TAFA1: variants seen among roughly 807,000 people sequenced by gnomAD.
TAFA1 encodes the protein TAFA chemokine like family member 1.
A neutral mutation model predicts 18.5 loss-of-function variants in TAFA1; 4 were observed. The ratio of observed to expected loss-of-function variants is 0.22; its 90% CI spans 0.11 to 0.49. The LOEUF (loss-of-function observed/expected upper bound fraction) is 0.49. Ranked by LOEUF, TAFA1 falls within the 20% of genes least tolerant of loss-of-function variation. TAFA1 has a pLI of 0.98. For synonymous variants in TAFA1, 56 were observed against 55.2 expected (o/e 1.01, Z -0.06); for missense variants, 147 against 169.0 (o/e 0.87, Z 0.72).
intron 2 of TAFA1, among the ~76,000 whole-genome samples, chr3:68,224,394 T>C (rs917934950): frequency 5.9e-5 from 9 of 152,128 alleles, no homozygotes; most frequent in African/African-American, 2.2e-4. Flanking sequence ...GAGGAAAACA[T>C]AGTCAATTAA....
At chr3:68,050,429 G>A (rs1269205512) in intron 2 of TAFA1, among the ~76,000 whole-genome samples, 1 of 152,140 alleles carries the variant, frequency 6.6e-6, no homozygotes, top group Non-Finnish European at 1.5e-5. Flanking sequence ...AGAAGTGAAT[G>A]CTGAGGGGAT....
chr3:68,197,595 G>A (rs575153149), intron 2 of TAFA1, among the ~76,000 whole-genome samples: 1 of 151,458 alleles, frequency 6.6e-6, no homozygotes, highest in South Asian at 2.1e-4. Flanking sequence ...TTGCTGGCTG[G>A]TGGTTGTATT....
intron 3 of TAFA1, among the ~76,000 whole-genome samples, chr3:68,418,076 C>T (rs943011679): frequency 6.6e-6 from 1 of 152,032 alleles, no homozygotes; most frequent in Non-Finnish European, 1.5e-5. Flanking sequence ...AGGTCCAGCT[C>T]ATTTGGGAAA....
At position 68,495,593 on chromosome 3, in the gene TAFA1, G is replaced by A. The variant is rs1575921971; in HGVS notation, c.260-43163G>A. Among the ~76,000 whole-genome samples, 6 of 152,208 alleles carry A rather than the reference G, an allele frequency of 3.9e-5. No individual in the cohort carries two copies. In the East Asian group the frequency reaches 1.2e-3, roughly 29 times the overall value. ...TCATTGATTTTAGTTAGACTGAAAT[G>A]TATACAAGATGCGTGGATCAAGTTG... On this transcript the variant is annotated intron_variant, in intron 3 of 4. Coordinates refer to ENST00000478136, the MANE Select transcript of TAFA1 (RefSeq NM_213609.4).
At chr3:68,469,138 T>A (rs1010094797) in intron 3 of TAFA1, among the ~76,000 whole-genome samples, 1 of 151,596 alleles carries the variant, frequency 6.6e-6, no homozygotes, top group African/African-American at 2.4e-5. Context: ...TAAAATACCA[T>A]TAAAATAATG....
intron 2 of TAFA1, among the ~76,000 whole-genome samples, chr3:68,044,378 C>T (rs973170954): frequency 2.0e-5 from 3 of 152,074 alleles, no homozygotes; most frequent in African/African-American, 4.8e-5. Flanking sequence ...TGAGTGAAAA[C>T]GTGGTAAGCA....
intron 2 of TAFA1, among the ~76,000 whole-genome samples, chr3:68,354,696 G>C (rs2069331084): frequency 6.6e-6 from 1 of 152,002 alleles, no homozygotes; most frequent in Admixed American, 6.6e-5. Context: ...AGGCTAGAAA[G>C]TCCAAGATCA....
At chr3:68,240,402 C>T (rs979536267) in intron 2 of TAFA1, among the ~76,000 whole-genome samples, 1 of 152,206 alleles carries the variant, frequency 6.6e-6, no homozygotes, top group Non-Finnish European at 1.5e-5. Flanking sequence ...AGGGAAATCT[C>T]AAGCTGTTGT....
intron 2 of TAFA1, among the ~76,000 whole-genome samples, chr3:68,316,925 A>G (rs1203179212): frequency 6.6e-6 from 1 of 152,204 alleles, no homozygotes; most frequent in Non-Finnish European, 1.5e-5. Flanking sequence ...AAATAGCCCA[A>G]TGCCTCCATT....
chr3:68,325,051 T>C (rs2068755024), intron 2 of TAFA1, among the ~76,000 whole-genome samples: 1 of 152,174 alleles, frequency 6.6e-6, no homozygotes. Context: ...CTGCCAGATC[T>C]GCTCCACACT....
intron 3 of TAFA1, among the ~76,000 whole-genome samples, chr3:68,526,021 A>G (rs2073107093): frequency 1.3e-5 from 2 of 152,274 alleles, no homozygotes; most frequent in East Asian, 1.9e-4. Context: ...AAGAGAAACA[A>G]TGTATCTCCT....
intron 2 of TAFA1, among the ~76,000 whole-genome samples, chr3:68,375,321 C>T (rs916457627): frequency 2.6e-5 from 4 of 152,104 alleles, no homozygotes; most frequent in Non-Finnish European, 5.9e-5. Flanking sequence ...TATTACCATG[C>T]AACTAAGTTT....
intron 3 of TAFA1, among the ~76,000 whole-genome samples, chr3:68,530,883 T>C (rs1446362892): frequency 6.6e-6 from 1 of 152,214 alleles, no homozygotes; most frequent in African/African-American, 2.4e-5. Context: ...ATATGAAATT[T>C]ATTTTCGATA....
intron 2 of TAFA1, among the ~76,000 whole-genome samples, chr3:68,329,508 T>G (rs1203841298): frequency 1.3e-5 from 2 of 152,188 alleles, no homozygotes; most frequent in Non-Finnish European, 2.9e-5. Context: ...TGGTGATGGT[T>G]AATGACATGT....
chr3:68,288,094 C>G (rs1193099508), intron 2 of TAFA1, among the ~76,000 whole-genome samples: 1 of 152,104 alleles, frequency 6.6e-6, no homozygotes, highest in Non-Finnish European at 1.5e-5. Flanking sequence ...CATTACTTTG[C>G]TCTCTGGTCA....
At chr3:68,205,556 G>T (rs1193574018) in intron 2 of TAFA1, among the ~76,000 whole-genome samples, 2 of 151,848 alleles carry the variant, frequency 1.3e-5, no homozygotes, top group Non-Finnish European at 2.9e-5. Flanking sequence ...TGATAGCTAT[G>T]TTACTACAAT....
intron 2 of TAFA1, among the ~76,000 whole-genome samples, chr3:68,142,753 C>A (rs940087767): frequency 4.6e-5 from 7 of 152,188 alleles, no homozygotes; most frequent in Non-Finnish European, 1.0e-4. Context: ...TTGCTCAGCT[C>A]TGAATCTCTT....
At chr3:68,311,060 A>G (rs1049772575) in intron 2 of TAFA1, among the ~76,000 whole-genome samples, 1 of 152,172 alleles carries the variant, frequency 6.6e-6, no homozygotes, top group Non-Finnish European at 1.5e-5. Context: ...CACAACTTAC[A>G]TGGATGGTGG....
At chr3:68,346,968 G>A (rs368978714) in intron 2 of TAFA1, among the ~76,000 whole-genome samples, 1 of 151,588 alleles carries the variant, frequency 6.6e-6, no homozygotes, top group South Asian at 2.1e-4. Context: ...TTTCTATGAG[G>A]GAACTAGTTC....
Sources: allele counts gnomAD v4.1 joint callset (sites outside exome capture counted in the v4.1 genomes callset), GRCh38; gene constraint gnomAD v4.1.1; transcripts MANE v1.5; gene names NCBI Gene and HGNC (gene_info 2026-07-23, HGNC 2026-07-21).